The following LPP variants were observed in gnomAD, a reference collection of about 807,000 sequenced individuals.
LPP encodes the protein LIM domain containing preferred translocation partner in lipoma, also known as lipoma-preferred partner.
A neutral mutation model predicts 60.4 loss-of-function variants in LPP; 38 were observed. The ratio of observed to expected loss-of-function variants is 0.63; its 90% CI spans 0.49 to 0.83. The LOEUF (loss-of-function observed/expected upper bound fraction) is 0.83, where lower values mean the gene tolerates loss of function less well. Among genes scored for constraint, LPP ranks in the 40% least tolerant of loss-of-function variants. LPP has a pLI of 0.00. For synonymous variants in LPP, 328 were observed against 290.8 expected (o/e 1.13, Z -1.30); for missense variants, 902 against 783.6 (o/e 1.15, Z -1.80).
At chr3:188,683,135 A>G (rs1411316189) in intron 7 of LPP, among the ~76,000 whole-genome samples, 5 of 151,796 alleles carry the variant, frequency 3.3e-5, no homozygotes, top group Non-Finnish European at 5.9e-5. Context: ...TATGTTACCG[A>G]CTCTGTGGCA....
chr3:188,524,660 A>G lies in LPP; in HGVS notation c.307-5A>G. On this transcript the variant is annotated splice_polypyrimidine_tract_variant and splice_region_variant and intron_variant, in intron 5 of 11. Coordinates refer to ENST00000617246, the MANE Select transcript of LPP (RefSeq NM_001375462.1). ...TTGTTAACATGTCTGTGTTGCTTCCAACAGGGGAATCCCGGAGGCAAGACA... is the reference window on the plus strand; with the variant it reads ...TTGTTAACATGTCTGTGTTGCTTCCGACAGGGGAATCCCGGAGGCAAGACA... 1 of 1,612,678 alleles carries G rather than the reference A, an allele frequency of 6.2e-7. No homozygotes were observed.
At chr3:188,840,552 G>A (rs1302006775) in intron 9 of LPP, among the ~76,000 whole-genome samples, 1 of 152,182 alleles carries the variant, frequency 6.6e-6, no homozygotes, top group Non-Finnish European at 1.5e-5. Flanking sequence ...GGGCTGGAGT[G>A]CAGTGGTGCA....
At chr3:188,535,463 C>G (rs1052804243) in intron 6 of LPP, among the ~76,000 whole-genome samples, 2 of 152,080 alleles carry the variant, frequency 1.3e-5, no homozygotes, top group South Asian at 2.1e-4. Context: ...TAAATATTGT[C>G]TTCAAATCTT....
At chr3:188,322,861 T>A (rs1370403990) in intron 2 of LPP, among the ~76,000 whole-genome samples, 2 of 152,230 alleles carry the variant, frequency 1.3e-5, no homozygotes, top group Non-Finnish European at 2.9e-5. Context: ...GGGATACCTA[T>A]CTCAGGACCC....
chr3:188,494,703 C>T (rs370958824), intron 5 of LPP, among the ~76,000 whole-genome samples: 1 of 151,932 alleles, frequency 6.6e-6, no homozygotes, highest in Non-Finnish European at 1.5e-5. Context: ...GCTTCAGAGA[C>T]AGCATAATGC....
intron 4 of LPP, among the ~76,000 whole-genome samples, chr3:188,438,452 AT>A (rs1198941737): frequency 1.3e-5 from 2 of 151,016 alleles, no homozygotes; most frequent in Admixed American, 1.3e-4. Flanking sequence ...ATTAATATCC[AT>A]TTTCTGGATG....
intron 4 of LPP, among the ~76,000 whole-genome samples, chr3:188,471,171 C>G (rs1208996212): frequency 1.3e-5 from 2 of 152,160 alleles, no homozygotes; most frequent in Non-Finnish European, 2.9e-5. Flanking sequence ...TTCCATTTGT[C>G]TCTATGTCTG....
At chr3:188,189,233 T>C (rs985995581) in intron 1 of LPP, among the ~76,000 whole-genome samples, 1 of 152,172 alleles carries the variant, frequency 6.6e-6, no homozygotes, top group Non-Finnish European at 1.5e-5. Context: ...ACTACAAGCA[T>C]GTGCCATCAT....
intron 4 of LPP, among the ~76,000 whole-genome samples, chr3:188,474,380 GT>G (rs67350703): frequency 1.2e-4 from 6 of 49,830 alleles, no homozygotes; most frequent in Admixed American, 6.3e-4. Context: ...TCATTGACAT[GT>G]CATTGACAAT....
chr3:188,350,137 G>A (rs1215409936), intron 3 of LPP, among the ~76,000 whole-genome samples: 1 of 152,172 alleles, frequency 6.6e-6, no homozygotes, highest in Non-Finnish European at 1.5e-5. Flanking sequence ...TCAGACCAAC[G>A]TGACTTAGTA....
chr3:188,828,186 G>A (rs1577830702), intron 9 of LPP, among the ~76,000 whole-genome samples: 1 of 151,980 alleles, frequency 6.6e-6, no homozygotes, highest in South Asian at 2.1e-4. Context: ...CAAAATAATT[G>A]GCAAATTATA....
At chr3:188,521,884 A>G (rs1353565041) in intron 5 of LPP, among the ~76,000 whole-genome samples, 1 of 152,192 alleles carries the variant, frequency 6.6e-6, no homozygotes, top group Admixed American at 6.5e-5. Context: ...ATTTATGTCT[A>G]CTATAATATT....
intron 5 of LPP, among the ~76,000 whole-genome samples, chr3:188,491,069 A>T (rs143705705): frequency 4.2e-4 from 64 of 152,210 alleles, no homozygotes; most frequent in African/African-American, 1.4e-3. Context: ...CGGCACTGGA[A>T]TTTTTGTCTT....
chr3:188,209,873 A>G (rs966825808), intron 1 of LPP, among the ~76,000 whole-genome samples: 1 of 152,210 alleles, frequency 6.6e-6, no homozygotes, highest in Non-Finnish European at 1.5e-5. Context: ...CTTAGCAGTA[A>G]CACACTGGAA....
In LPP at chr3:188,862,450, T is replaced by C. The variant is rs549541415; in HGVS notation, c.1411-3750T>C. Among the ~76,000 whole-genome samples the C allele has an allele frequency of 1.2e-4, 19 of 152,154 alleles. No homozygotes were observed. In the South Asian group the frequency reaches 3.7e-3, roughly 30 times the overall value. ...AAAGATTTTTCAGAAGAGGTGACAT[T>C]TGAGTTTCACTTTGAAGAATGAGTA... On this transcript the variant is annotated intron_variant, in intron 9 of 11. Coordinates refer to ENST00000617246, the MANE Select transcript of LPP (RefSeq NM_001375462.1).
At chr3:188,584,069 A>T (rs1210624691) in intron 6 of LPP, among the ~76,000 whole-genome samples, 2 of 152,222 alleles carry the variant, frequency 1.3e-5, no homozygotes, top group Admixed American at 1.3e-4. Context: ...AATCAAGTAC[A>T]GCGTTTGGCC....
chr3:188,725,181 C>T (rs958805171), intron 8 of LPP: 3 of 152,166 alleles, frequency 2.0e-5, no homozygotes, highest in African/African-American at 4.8e-5. Context: ...CGTTGTGCCT[C>T]TAGAGCAATC....
At chr3:188,870,438 C>T (rs1767810215) in intron 10 of LPP, among the ~76,000 whole-genome samples, 1 of 152,134 alleles carries the variant, frequency 6.6e-6, no homozygotes, top group South Asian at 2.1e-4. Context: ...TGTATTTAAT[C>T]AGCATCCATT....
chr3:188,776,809 C>T (rs1296463633), intron 9 of LPP, among the ~76,000 whole-genome samples: 1 of 152,182 alleles, frequency 6.6e-6, no homozygotes, highest in African/African-American at 2.4e-5. Flanking sequence ...ACCCAAGCTC[C>T]TCTTTTTGCA....
Sources: gnomAD v4.1 joint callset for allele counts (sites outside exome capture counted in the v4.1 genomes callset) on GRCh38, gnomAD v4.1.1 for gene constraint, MANE v1.5 for transcripts, NCBI Gene and HGNC (gene_info 2026-07-23, HGNC 2026-07-21) for gene names.